Variants in INSYN2B observed in about 807,000 individuals in gnomAD.
INSYN2B encodes the protein protein INSYN2B.
In INSYN2B, 16 loss-of-function variants were observed where a neutral mutation model predicts 41.2. The ratio of observed to expected loss-of-function variants is 0.39; its 90% confidence interval spans 0.26 to 0.59. The LOEUF is 0.59. Ranked by LOEUF, INSYN2B falls within the 20% of genes least tolerant of loss-of-function variation. The pLI is 0.57. For synonymous variants in INSYN2B, 245 were observed against 244.4 expected, an observed-to-expected ratio of 1.00 and a Z score of -0.02; for missense variants, 608 against 646.4, an observed-to-expected ratio of 0.94 and a Z score of 0.64.
chr5:169,921,763 T>G (rs940994142), intron 1 of INSYN2B, among the ~76,000 whole-genome samples: 1 of 152,234 alleles, frequency 6.6e-6, no homozygotes, highest in Non-Finnish European at 1.5e-5. Flanking sequence ...GGCCCACTGA[T>G]AAGAACAGGC....
intron 1 of INSYN2B, among the ~76,000 whole-genome samples, chr5:169,969,199 C>T (rs1777409682): frequency 6.6e-6 from 1 of 151,938 alleles, no homozygotes; most frequent in African/African-American, 2.4e-5. Flanking sequence ...AATCCCAGCA[C>T]TTTGGGAGGC....
At chr5:169,971,581 A>G (rs1777511800) in intron 1 of INSYN2B, among the ~76,000 whole-genome samples, 1 of 152,236 alleles carries the variant, frequency 6.6e-6, no homozygotes, top group African/African-American at 2.4e-5. Flanking sequence ...CATGGGGATC[A>G]GCTTCATAAA....
At chr5:169,931,382 C>G (rs947799821) in intron 1 of INSYN2B, among the ~76,000 whole-genome samples, 1 of 152,166 alleles carries the variant, frequency 6.6e-6, no homozygotes, top group Non-Finnish European at 1.5e-5. Flanking sequence ...TTGATATTGC[C>G]GCCTCTCGGC....
chr5:169,903,444 G>A (rs1029237334), intron 1 of INSYN2B, among the ~76,000 whole-genome samples: 1 of 151,656 alleles, frequency 6.6e-6, no homozygotes, highest in Non-Finnish European at 1.5e-5. Context: ...GGTGGTGTGA[G>A]TGTGAAGGCT....
At chr5:169,891,842 A>C (rs947768598) in intron 1 of INSYN2B, among the ~76,000 whole-genome samples, 2 of 152,052 alleles carry the variant, frequency 1.3e-5, no homozygotes, top group African/African-American at 4.8e-5. Context: ...AAAATACAAA[A>C]AAATTCTCTG....
At chr5:169,889,625 A>C (rs1216291458) in intron 1 of INSYN2B, among the ~76,000 whole-genome samples, 5 of 152,246 alleles carry the variant, frequency 3.3e-5, no homozygotes, top group African/African-American at 4.8e-5. Flanking sequence ...GCCAGGAGTC[A>C]GCAAGTTTTT....
intron 1 of INSYN2B, among the ~76,000 whole-genome samples, chr5:169,898,292 T>C (rs1253149413): frequency 7.2e-5 from 11 of 152,176 alleles, no homozygotes; most frequent in Admixed American, 7.2e-4. Flanking sequence ...GGAAGGGCCA[T>C]ATATTGCTCA....
intron 1 of INSYN2B, among the ~76,000 whole-genome samples, chr5:169,906,327 G>C (rs1774276508): frequency 6.6e-6 from 1 of 152,190 alleles, no homozygotes; most frequent in African/African-American, 2.4e-5. Flanking sequence ...TCCCAAGCCA[G>C]TGTGTGCACA....
chr5:169,864,522 C>G (rs1168471894), intron 3 of INSYN2B, 63 bp from the exon 4 acceptor site: 5 of 1,252,926 alleles, frequency 4.0e-6, no homozygotes, highest in Admixed American at 5.5e-5. Context: ...GATTAAGCAT[C>G]TCTCAGCCCC....
rs758519444 is a variant in INSYN2B at position 169,883,810 on chromosome 5, C to T, written c.89G>A (p.Arg30His). Residue 30 changes from arginine to histidine, a missense_variant, in exon 2 of 4, where the codon CGC (arginine) becomes CAC (histidine). Arg to His is a conservative substitution (Grantham distance 29). Coordinates refer to ENST00000377365, the MANE Select transcript of INSYN2B (RefSeq NM_001129891.3). The stretch of plus-strand genomic sequence containing the variant: ...TCTCACCTGCTGGGATTTGCTCCTG[C>T]GGTGGTGAGGTTGTTTCACAAACTC... ...SVEFVKQPHH[R>H]RSKSQQVRFK... is the part of the protein sequence containing the mutation. 5.7e-5 allele frequency: 88 copies of T among 1,550,724 alleles called. No homozygotes were observed. Among genetic ancestry groups the T allele is most frequent in the Middle Eastern group, 1.7e-4 (1 of 5,984 alleles).
chr5:169,905,806 G>C (rs1434824680), intron 1 of INSYN2B, among the ~76,000 whole-genome samples: 1 of 152,164 alleles, frequency 6.6e-6, no homozygotes, highest in African/African-American at 2.4e-5. Context: ...TTTTGGACTT[G>C]AACAAAGTGA....
chr5:169,921,455 G>C (rs550786797), intron 1 of INSYN2B, among the ~76,000 whole-genome samples: 29 of 152,270 alleles, frequency 1.9e-4, no homozygotes, highest in African/African-American at 6.0e-4. Context: ...CTGTAATCAA[G>C]CCAAATTTTC....
chr5:169,867,618 T>C (rs1359443766), intron 3 of INSYN2B, among the ~76,000 whole-genome samples: 1 of 98,062 alleles, frequency 1.0e-5, no homozygotes, highest in African/African-American at 4.6e-5. Context: ...CATGTATCAT[T>C]ATCTATCATC....
intron 1 of INSYN2B, among the ~76,000 whole-genome samples, chr5:169,963,813 C>A (rs527272312): frequency 6.6e-6 from 1 of 152,276 alleles, no homozygotes; most frequent in East Asian, 1.9e-4. Context: ...TCCTTGAGCA[C>A]CCAGCAGAGT....
intron 1 of INSYN2B, among the ~76,000 whole-genome samples, chr5:169,948,944 T>TA (rs35687706): frequency 0.051 from 7,712 of 152,218 alleles, 269 homozygotes; most frequent in South Asian, 0.16. Flanking sequence ...TTTGTGAAAT[T>TA]ATCAAATTAC....
intron 1 of INSYN2B, among the ~76,000 whole-genome samples, chr5:169,908,801 G>A (rs867852796): frequency 2.1e-5 from 3 of 144,334 alleles, no homozygotes; most frequent in Non-Finnish European, 4.5e-5. Context: ...TGCAACCTCT[G>A]CCTCCCAGGT....
chr5:169,921,929 T>C (rs1775197268), intron 1 of INSYN2B, among the ~76,000 whole-genome samples: 2 of 152,216 alleles, frequency 1.3e-5, no homozygotes, highest in Non-Finnish European at 2.9e-5. Context: ...AGATGATCTT[T>C]TAAAAAAATG....
intron 1 of INSYN2B, among the ~76,000 whole-genome samples, chr5:169,943,105 A>C (rs1240859875): frequency 6.6e-6 from 1 of 152,186 alleles, no homozygotes; most frequent in Non-Finnish European, 1.5e-5. Context: ...TATTCCATTC[A>C]ATGGAAATAT....
At chr5:169,911,481 T>G (rs261007) in intron 1 of INSYN2B, among the ~76,000 whole-genome samples, 54,737 of 151,960 alleles carry the variant, frequency 0.36, 10,371 homozygotes, top group East Asian at 0.53. Context: ...ATGTTTAATG[T>G]GGCCAGTGAC....
Sources: allele counts gnomAD v4.1 joint callset (sites outside exome capture counted in the v4.1 genomes callset), GRCh38; gene constraint gnomAD v4.1.1; transcripts MANE v1.5; gene names NCBI Gene and HGNC (gene_info 2026-07-23, HGNC 2026-07-21).